APAF1: variants seen among roughly 807,000 people sequenced by gnomAD.
APAF1 encodes the protein apoptotic peptidase activating factor 1.
APAF1 carries 91 observed loss-of-function variants against 152.4 expected under a neutral mutation model. The ratio of observed to expected loss-of-function variants is 0.60; its 90% CI spans 0.50 to 0.71. The LOEUF (loss-of-function observed/expected upper bound fraction) is 0.71, where lower values mean the gene tolerates loss of function less well. Among genes scored for constraint, APAF1 ranks in the 30% least tolerant of loss-of-function variants. APAF1 has a pLI of 0.00. For synonymous variants in APAF1, 484 were observed against 494.1 expected (o/e 0.98, Z 0.27); for missense variants, 1,283 against 1,472.0 (o/e 0.87, Z 2.10).
rs2097767309 is a variant in APAF1 at position 98,735,001 on chromosome 12, T to A, written c.*2435T>A. On this transcript the variant is annotated 3_prime_UTR_variant, in exon 27 of 27. Transcript: ENST00000551964. ...GGTGGCACGTGCCTGTAATCCCAGC[T>A]CCTTGGGAGGCTAAGACAGGAGGAT... 1 of 388,620 alleles carries A rather than the reference T, an allele frequency of 2.6e-6. No homozygotes were observed. Among genetic ancestry groups the A allele is most frequent in the Non-Finnish European group, 4.5e-6 (1 of 220,702 alleles). The allele number at this position is 388,620 out of a possible 1,614,324, so 24.1% of individuals were successfully genotyped here. A position where few individuals can be genotyped will look rare whatever the true frequency, so the allele number is the denominator to read the frequency against.
intron 5 of APAF1, among the ~76,000 whole-genome samples, chr12:98,661,667 C>G (rs891956701): frequency 6.6e-6 from 1 of 151,880 alleles, no homozygotes; most frequent in African/African-American, 2.4e-5. Flanking sequence ...CGGGGTTTCT[C>G]CATGTTGGTC....
At chr12:98,667,971 C>T (rs1435716226) in intron 10 of APAF1, among the ~76,000 whole-genome samples, 1 of 151,814 alleles carries the variant, frequency 6.6e-6, no homozygotes, top group Non-Finnish European at 1.5e-5. Context: ...TGGGGTTTCA[C>T]TATGTTGCTC....
At chr12:98,649,909 A>G (rs2097646779) in intron 4 of APAF1, among the ~76,000 whole-genome samples, 1 of 152,120 alleles carries the variant, frequency 6.6e-6, no homozygotes, top group African/African-American at 2.4e-5. Flanking sequence ...AAAGTTAGCT[A>G]GGCAGTGAAG....
chr12:98,713,486 G>A (rs1024492660), intron 21 of APAF1, among the ~76,000 whole-genome samples: 24 of 152,156 alleles, frequency 1.6e-4, no homozygotes, highest in Admixed American at 1.4e-3. Flanking sequence ...TCTACTTTTG[G>A]TGGCAGAAGA....
chr12:98,653,531 C>G (rs1485209902), intron 4 of APAF1, among the ~76,000 whole-genome samples: 1 of 150,206 alleles, frequency 6.7e-6, no homozygotes, highest in African/African-American at 2.4e-5. Flanking sequence ...GTGGCGCATG[C>G]CTGTAATCCC....
chr12:98,694,153 C>T (rs895148754), intron 16 of APAF1, among the ~76,000 whole-genome samples: 2 of 152,144 alleles, frequency 1.3e-5, no homozygotes, highest in African/African-American at 4.8e-5. Context: ...AAATATATGA[C>T]CTCAAGCTAT....
intron 26 of APAF1, among the ~76,000 whole-genome samples, chr12:98,728,145 C>T (rs968227735): frequency 1.3e-4 from 20 of 152,052 alleles, no homozygotes; most frequent in Non-Finnish European, 2.8e-4. Context: ...GTCATACTGC[C>T]TCATACTAAA....
At position 98,734,723 on chromosome 12, in the gene APAF1, A is replaced by T. The variant is rs2097766861; in HGVS notation, c.*2157A>T. The T allele has an allele frequency of 1.3e-5, 2 of 153,784 alleles. No individual in the cohort carries two copies. Among genetic ancestry groups the T allele is most frequent in the South Asian group, 4.1e-4 (2 of 4,830 alleles). The allele number at this position is 153,784 out of a possible 1,614,324, so 9.5% of individuals were successfully genotyped here. A position where few individuals can be genotyped will look rare whatever the true frequency, so the allele number is the denominator to read the frequency against. On this transcript the variant is annotated 3_prime_UTR_variant, in exon 27 of 27. Transcript: ENST00000551964. ...GGAGCTAGTTTACAGGCTTACTGTG[A>T]TTTAAGCAAATGTGAAAAGTGAAAC...
At position 98,648,373 on chromosome 12, in the gene APAF1, C is replaced by G. The variant is rs1593011438; in HGVS notation, c.14C>G (p.Ala5Gly). The G allele has an allele frequency of 6.2e-7, 1 of 1,614,010 alleles. No homozygotes were observed. The highest frequency in any genetic ancestry group is 2.2e-5 in the East Asian group (1 of 44,862). MDAK[A>G]RNCLLQHREA... ...ATCTGAGGGAAGATGGATGCAAAAG[C>G]TCGAAATTGTTTGCTTCAACATAGA... The change falls in exon 2 of 27, where the codon GCT becomes GGT. Residue 5 changes from alanine (A) to glycine (G), a missense_variant. Physicochemically the swap from Ala to Gly is moderately conservative, Grantham distance 60 (BLOSUM62 0). Transcript: ENST00000551964.
At chr12:98,700,367 C>G (rs140891416) in intron 17 of APAF1, among the ~76,000 whole-genome samples, 1 of 152,124 alleles carries the variant, frequency 6.6e-6, no homozygotes, top group African/African-American at 2.4e-5. Context: ...AGGGATATTA[C>G]TGTTTTAAAG....
At position 98,649,474 on chromosome 12, in the gene APAF1, T is replaced by C; in HGVS notation, c.329-13T>C. The C allele has an allele frequency of 6.2e-7, 1 of 1,613,640 alleles. No homozygotes were observed. Among genetic ancestry groups the C allele is most frequent in the Non-Finnish European group, 8.5e-7 (1 of 1,179,510 alleles). On this transcript the variant is annotated splice_polypyrimidine_tract_variant and intron_variant, in intron 3 of 26. Transcript: ENST00000551964. ...GTTCTATTCATTCATGCTTGTTTTG[T>C]TTTGGATTTTAGTAAGGACAGTCCT...
intron 23 of APAF1, 26 bp from the exon 24 acceptor site, chr12:98,723,613 C>T (rs755683310): frequency 6.7e-7 from 1 of 1,491,636 alleles, no homozygotes; most frequent in Non-Finnish European, 9.2e-7. Context: ...GTGTCAACCT[C>T]CAAGTGTTTT....
chr12:98,707,522 T>C (rs181188103), intron 19 of APAF1, among the ~76,000 whole-genome samples: 3 of 152,230 alleles, frequency 2.0e-5, no homozygotes, highest in African/African-American at 7.2e-5. Context: ...GATTTACTCC[T>C]TATTTCCAAC....
At chr12:98,650,289 C>A (rs755258167) in intron 4 of APAF1, among the ~76,000 whole-genome samples, 13 of 151,864 alleles carry the variant, frequency 8.6e-5, no homozygotes, top group Non-Finnish European at 1.5e-4. Context: ...TCAAGACCAG[C>A]CTGGGCAACA....
At chr12:98,699,873 C>T (rs2097713521) in intron 17 of APAF1, among the ~76,000 whole-genome samples, 1 of 152,196 alleles carries the variant, frequency 6.6e-6, no homozygotes, top group Admixed American at 6.5e-5. Flanking sequence ...TTTATGCCAT[C>T]GAATCCAGTG....
At chr12:98,666,737 T>A (rs960744190) in intron 9 of APAF1, among the ~76,000 whole-genome samples, 1 of 152,208 alleles carries the variant, frequency 6.6e-6, no homozygotes, top group Admixed American at 6.5e-5. Flanking sequence ...TATACCCAAA[T>A]TTGGTTTTGT....
intron 8 of APAF1, 84 bp downstream of exon 8, chr12:98,665,875 C>A: frequency 8.0e-7 from 1 of 1,245,134 alleles, no homozygotes; most frequent in Non-Finnish European, 1.2e-6. Flanking sequence ...TACAGAGAAC[C>A]TTGGAAGGAT....
intron 26 of APAF1, among the ~76,000 whole-genome samples, chr12:98,727,966 A>AAATT (rs1174147601): frequency 6.8e-5 from 10 of 147,890 alleles, no homozygotes; most frequent in South Asian, 2.1e-4. Context: ...ATAAATAAAT[A>AAATT]AATTAATTAA....
intron 12 of APAF1, among the ~76,000 whole-genome samples, chr12:98,673,755 A>G (rs2097683427): frequency 6.6e-6 from 1 of 152,234 alleles, no homozygotes; most frequent in South Asian, 2.1e-4. Context: ...CACTGTTACT[A>G]GATGTGAGGT....
Sources: allele counts gnomAD v4.1 joint callset (sites outside exome capture counted in the v4.1 genomes callset), GRCh38; gene constraint gnomAD v4.1.1; transcripts MANE v1.5; gene names NCBI Gene and HGNC (gene_info 2026-07-23, HGNC 2026-07-21).